Variants in KCNH5 observed in about 807,000 individuals in gnomAD.
KCNH5 encodes voltage-gated delayed rectifier potassium channel KCNH5.
In KCNH5, 46 loss-of-function variants were observed where a neutral mutation model predicts 96.1. That is an observed-to-expected ratio of 0.48 (90% confidence interval 0.38 to 0.61). The LOEUF is 0.61. KCNH5 is among the 20% of genes least tolerant of loss of function. The probability of loss-of-function intolerance (pLI) is 0.00; values close to 1 mark genes in which losing one functional copy is unlikely to be tolerated. For missense variants in KCNH5, 907 were observed against 1,225.8 expected (o/e 0.74, Z 3.88); for synonymous variants, 439 against 449.8 (o/e 0.98, Z 0.30).
intron 10 of KCNH5, among the ~76,000 whole-genome samples, chr14:62,709,566 T>C (rs1390967048): frequency 6.6e-6 from 1 of 152,186 alleles, no homozygotes; most frequent in East Asian, 1.9e-4. Flanking sequence ...GGGTTGGAGG[T>C]TGAACTCTTC....
chr14:63,023,104 G>A (rs1891460174), intron 1 of KCNH5, among the ~76,000 whole-genome samples: 1 of 151,896 alleles, frequency 6.6e-6, no homozygotes, highest in Admixed American at 6.6e-5. Flanking sequence ...CCGGGAGACT[G>A]AGGCAGGAGA....
chr14:62,976,229 T>C (rs1294017265), intron 6 of KCNH5, among the ~76,000 whole-genome samples: 2 of 151,656 alleles, frequency 1.3e-5, no homozygotes, highest in Non-Finnish European at 2.9e-5. Flanking sequence ...TGAAACCCTG[T>C]CTCTACTAAA....
At chr14:62,805,911 G>T (rs1886757822) in intron 8 of KCNH5, among the ~76,000 whole-genome samples, 1 of 152,146 alleles carries the variant, frequency 6.6e-6, no homozygotes, top group Non-Finnish European at 1.5e-5. Flanking sequence ...ACTCCATCTT[G>T]AATAGGTGCT....
chr14:63,037,539 A>G (rs1249070933), intron 1 of KCNH5, among the ~76,000 whole-genome samples: 1 of 152,126 alleles, frequency 6.6e-6, no homozygotes, highest in African/African-American at 2.4e-5. Flanking sequence ...TATTTTTTCA[A>G]TGCTTGTAAA....
chr14:62,771,240 G>A (rs1595615019), intron 10 of KCNH5, among the ~76,000 whole-genome samples: 1 of 152,264 alleles, frequency 6.6e-6, no homozygotes, highest in African/African-American at 2.4e-5. Context: ...GTGATAGTAA[G>A]CCAAGCAGAC....
At chr14:62,762,598 A>G (rs1885775325) in intron 10 of KCNH5, among the ~76,000 whole-genome samples, 1 of 152,078 alleles carries the variant, frequency 6.6e-6, no homozygotes, top group African/African-American at 2.4e-5. Context: ...AAACCTTCCC[A>G]TCGTCACCCC....
At chr14:63,014,322 C>A (rs1323755249) in intron 2 of KCNH5, among the ~76,000 whole-genome samples, 1 of 152,038 alleles carries the variant, frequency 6.6e-6, no homozygotes, top group African/African-American at 2.4e-5. Context: ...GCAAAACAAG[C>A]CAATCCAATT....
intron 7 of KCNH5, among the ~76,000 whole-genome samples, chr14:62,908,289 C>T (rs934272736): frequency 6.6e-6 from 1 of 152,146 alleles, no homozygotes; most frequent in African/African-American, 2.4e-5. Flanking sequence ...ATGAAGTCAA[C>T]GGGTTTGTTA....
intron 7 of KCNH5, among the ~76,000 whole-genome samples, chr14:62,864,550 A>C (rs1888097580): frequency 6.6e-6 from 1 of 152,216 alleles, no homozygotes; most frequent in Non-Finnish European, 1.5e-5. Context: ...GAGTTGGTCA[A>C]GGTGGAAGGA....
chr14:62,937,584 G>C (rs979157094), intron 7 of KCNH5, among the ~76,000 whole-genome samples: 1 of 152,202 alleles, frequency 6.6e-6, no homozygotes, highest in African/African-American at 2.4e-5. Context: ...GCCATCTGCT[G>C]CAATGAAGAT....
At chr14:62,867,671 G>A (rs976184079) in intron 7 of KCNH5, among the ~76,000 whole-genome samples, 1 of 152,078 alleles carries the variant, frequency 6.6e-6, no homozygotes, top group Admixed American at 6.6e-5. Context: ...GTTTCCAGGG[G>A]CTCTTATCAC....
chr14:62,894,695 A>G (rs554950512), intron 7 of KCNH5, among the ~76,000 whole-genome samples: 1 of 152,316 alleles, frequency 6.6e-6, no homozygotes, highest in African/African-American at 2.4e-5. Flanking sequence ...AATTACAAGC[A>G]AAAGGTTAAT....
At chr14:62,752,269 C>A (rs1885517793) in intron 10 of KCNH5, among the ~76,000 whole-genome samples, 1 of 151,932 alleles carries the variant, frequency 6.6e-6, no homozygotes, top group Non-Finnish European at 1.5e-5. Context: ...AACACAGAGA[C>A]AACAAAACAT....
intron 1 of KCNH5, among the ~76,000 whole-genome samples, chr14:63,043,597 C>T (rs769167933): frequency 1.3e-5 from 2 of 152,152 alleles, no homozygotes; most frequent in Non-Finnish European, 2.9e-5. Context: ...AGACCCTATT[C>T]GCTATTTTTT....
At chr14:63,045,026 C>A (rs974491486) in intron 1 of KCNH5, 88 bp downstream of exon 1, 4 of 1,080,624 alleles carry the variant, frequency 3.7e-6, no homozygotes, top group Admixed American at 1.7e-5. Context: ...TCCTCCTCCC[C>A]CCTTGGGAGA....
intron 7 of KCNH5, among the ~76,000 whole-genome samples, chr14:62,910,912 C>A (rs1889137944): frequency 7.5e-6 from 1 of 133,196 alleles, no homozygotes; most frequent in Non-Finnish European, 1.6e-5. Flanking sequence ...CACACACACA[C>A]ACACACACAC....
chr14:62,961,339 T>C (rs1170881249), intron 6 of KCNH5, among the ~76,000 whole-genome samples: 1 of 152,150 alleles, frequency 6.6e-6, no homozygotes, highest in Admixed American at 6.6e-5. Flanking sequence ...CCAAACATGC[T>C]GTTTAAAACA....
chr14:62,904,357 C>T (rs1888986738), intron 7 of KCNH5, among the ~76,000 whole-genome samples: 1 of 152,154 alleles, frequency 6.6e-6, no homozygotes, highest in African/African-American at 2.4e-5. Flanking sequence ...GCTACTATGA[C>T]AGAAGAAAAA....
chr14:62,952,861 C>T (rs1202919950), intron 6 of KCNH5, among the ~76,000 whole-genome samples: 2 of 152,034 alleles, frequency 1.3e-5, no homozygotes, highest in African/African-American at 2.4e-5. Context: ...TCCTGACAGG[C>T]CTGCTCTGGA....
Sources: allele counts gnomAD v4.1 joint callset (sites outside exome capture counted in the v4.1 genomes callset), GRCh38; gene constraint gnomAD v4.1.1; transcripts MANE v1.5; gene names NCBI Gene and HGNC (gene_info 2026-07-23, HGNC 2026-07-21).